Variants in DCC observed in about 807,000 individuals in gnomAD.
DCC encodes the protein netrin receptor DCC.
A neutral mutation model predicts 172.5 loss-of-function variants in DCC; 58 were observed. That is an observed-to-expected ratio of 0.34 (90% CI 0.27 to 0.42). DCC has a LOEUF of 0.42. Ranked by LOEUF, DCC falls within the 10% of genes least tolerant of loss-of-function variation. The pLI is 1.00. For missense variants in DCC, 1,740 were observed against 1,791.0 expected, an observed-to-expected ratio of 0.97 and a Z score of 0.51; for synonymous variants, 709 against 644.5, an observed-to-expected ratio of 1.10 and a Z score of -1.52.
chr18:52,738,028 A>G (rs542031286), intron 1 of DCC, among the ~76,000 whole-genome samples: 1 of 152,206 alleles, frequency 6.6e-6, no homozygotes, highest in East Asian at 1.9e-4. Context: ...TCATTTTTAC[A>G]TTGTTATCTT....
rs1347384211 is a variant in DCC at position 52,769,506 on chromosome 18, C to T, written c.412+17132C>T. Among the ~76,000 whole-genome samples the T allele has an allele frequency of 2.0e-5, 3 of 152,178 alleles. 1 individual carries two copies. The South Asian group carries it at 6.2e-4, about 32-fold the overall frequency. On this transcript the variant is annotated intron_variant, in intron 2 of 28. Coordinates refer to ENST00000442544, the MANE Select transcript of DCC (RefSeq NM_005215.4). ...CAGATACGTCTTCTGTAAATATTTT[C>T]TCCTGTTCTGGAGCTTGTGTCTTCA...
rs373883714 is a variant in DCC, at chr18:52,920,020, CA to C, written c.698-3670del. Among the ~76,000 whole-genome samples the C allele has an allele frequency of 5.7e-3, 569 of 100,130 alleles. 3 individuals are homozygous for C. Among genetic ancestry groups the C allele is most frequent in the Middle Eastern group, 0.019 (3 of 158 alleles). The allele number at this position is 100,130 out of a possible 152,430, so 65.7% of individuals were successfully genotyped here. On this transcript the variant is annotated intron_variant, in intron 3 of 28. Transcript: ENST00000442544. ...ACTGGAACAATAGAATGTCCATATA[CA>C]AAAAAAAAAAAAAAAAGAATCCAGA...
chr18:53,090,698 C>CAACAAAAAAAAAAAAAAAAAAAA (rs2042990907), intron 7 of DCC, among the ~76,000 whole-genome samples: 1 of 39,356 alleles, frequency 2.5e-5, no homozygotes, highest in Non-Finnish European at 5.5e-5. Flanking sequence ...CGTCCCCCAA[C>CAACAAAAAAAAAAAAAAAAAAAA]AAAAAAAAAA....
At chr18:53,312,153 C>CAAA (rs895203731) in intron 13 of DCC, among the ~76,000 whole-genome samples, 4 of 26,730 alleles carry the variant, frequency 1.5e-4, no homozygotes, top group Non-Finnish European at 2.0e-4. Flanking sequence ...GCTAAAAATA[C>CAAA]AAAAAAAAAA....
rs191790970 is a variant in DCC, at chr18:52,875,763, A to G, written c.413-30281A>G. Among the ~76,000 whole-genome samples the G allele has an allele frequency of 1.8e-3, 274 of 152,334 alleles. 1 individual carries two copies. Among genetic ancestry groups the G allele is most frequent in the African/African-American group, 6.3e-3 (262 of 41,576 alleles). On this transcript the variant is annotated intron_variant, in intron 2 of 28. Transcript: ENST00000442544. ...TACTTTTTTAAAAAAGAAATGAGCT[A>G]AACCTTGTCAGAGCTGACGGCACTA...
At chr18:53,186,776 A>T (rs2055288570) in intron 9 of DCC, among the ~76,000 whole-genome samples, 1 of 152,208 alleles carries the variant, frequency 6.6e-6, no homozygotes, top group African/African-American at 2.4e-5. Flanking sequence ...ATAGAAATGT[A>T]TTGCTCATGG....
chr18:53,486,089 A>T (rs1249378583), intron 25 of DCC, among the ~76,000 whole-genome samples: 1 of 152,094 alleles, frequency 6.6e-6, no homozygotes, highest in Non-Finnish European at 1.5e-5. Context: ...TTTAATATAT[A>T]TTATAATTGA....
intron 7 of DCC, among the ~76,000 whole-genome samples, chr18:53,130,358 C>G (rs1381581583): frequency 2.0e-5 from 3 of 152,222 alleles, no homozygotes; most frequent in Admixed American, 6.5e-5. Flanking sequence ...CACTTTGGAT[C>G]TATAAATGTG....
intron 7 of DCC, among the ~76,000 whole-genome samples, chr18:53,082,608 A>C (rs1302606081): frequency 6.6e-6 from 1 of 152,144 alleles, no homozygotes; most frequent in Non-Finnish European, 1.5e-5. Context: ...TGAAGACAAT[A>C]GCAATGACAT....
At chr18:53,004,243 G>T (rs1247587086) in intron 5 of DCC, among the ~76,000 whole-genome samples, 1 of 152,112 alleles carries the variant, frequency 6.6e-6, no homozygotes, top group Non-Finnish European at 1.5e-5. Flanking sequence ...TTTTTATATG[G>T]AGCTTTTATC....
intron 1 of DCC, among the ~76,000 whole-genome samples, chr18:52,455,457 T>C (rs574837380): frequency 6.6e-6 from 1 of 152,334 alleles, no homozygotes; most frequent in African/African-American, 2.4e-5. Context: ...CAGATCTGAC[T>C]CTGTCACTCA....
chr18:52,562,577 T>A (rs2033064197), intron 1 of DCC, among the ~76,000 whole-genome samples: 1 of 152,138 alleles, frequency 6.6e-6, no homozygotes, highest in South Asian at 2.1e-4. Context: ...AACTTTCAGT[T>A]TCCTTTTCAC....
At chr18:52,786,381 A>T (rs2037660750) in intron 2 of DCC, among the ~76,000 whole-genome samples, 1 of 151,990 alleles carries the variant, frequency 6.6e-6, no homozygotes, top group African/African-American at 2.4e-5. Context: ...AAACTTAAAA[A>T]CAATTAGTGA....
intron 5 of DCC, among the ~76,000 whole-genome samples, chr18:53,040,998 G>T (rs539065469): frequency 8.6e-5 from 13 of 151,534 alleles, no homozygotes; most frequent in African/African-American, 2.9e-4. Context: ...TGTTCACTCT[G>T]ATTATAGCTT....
At chr18:52,593,429 T>C (rs1050326970) in intron 1 of DCC, among the ~76,000 whole-genome samples, 1 of 152,186 alleles carries the variant, frequency 6.6e-6, no homozygotes, top group Admixed American at 6.5e-5. Flanking sequence ...TGTCAAGAAA[T>C]TCTCTTTTAA....
At chr18:52,991,412 G>A (rs760129182) in intron 5 of DCC, among the ~76,000 whole-genome samples, 11 of 152,292 alleles carry the variant, frequency 7.2e-5, no homozygotes, top group Middle Eastern at 3.4e-3. Flanking sequence ...AGATTGAAGG[G>A]CGTATTAGGA....
intron 7 of DCC, among the ~76,000 whole-genome samples, chr18:53,078,900 C>A (rs2042760331): frequency 6.6e-6 from 1 of 152,064 alleles, no homozygotes; most frequent in Non-Finnish European, 1.5e-5. Flanking sequence ...CAAGAAAAGT[C>A]CAACAGAAAA....
In DCC at chr18:52,529,724, A is replaced by G. The variant is rs143653372; in HGVS notation, c.91+188846A>G. ...TCACTCATGCCAAGGACTTGCAGAT[A>G]TAAGAATTATCCTTGATCATATAAG... is the stretch of plus-strand genomic sequence containing the variant. On this transcript the variant is annotated intron_variant, in intron 1 of 28. Transcript: ENST00000442544. 8.5e-5 allele frequency among the ~76,000 whole-genome samples: 13 copies of G among 152,308 alleles called. No homozygotes were observed. The East Asian group carries it at 1.9e-3, about 23-fold the overall frequency.
chr18:52,360,175 G>A (rs1023853168), intron 1 of DCC, among the ~76,000 whole-genome samples: 23 of 151,950 alleles, frequency 1.5e-4, no homozygotes, highest in African/African-American at 5.1e-4. Context: ...TCTGTGAACC[G>A]TTTATTATTT....
Sources: allele counts gnomAD v4.1 joint callset (sites outside exome capture counted in the v4.1 genomes callset), GRCh38; gene constraint gnomAD v4.1.1; transcripts MANE v1.5; gene names NCBI Gene and HGNC (gene_info 2026-07-23, HGNC 2026-07-21).